The following SGCZ variants were observed in gnomAD, a reference collection of about 807,000 sequenced individuals.
The protein encoded by SGCZ is zeta-sarcoglycan.
In SGCZ, 40 loss-of-function variants were observed where a neutral mutation model predicts 41.3. That is an observed-to-expected ratio of 0.97 (90% CI 0.75 to 1.26). The LOEUF (loss-of-function observed/expected upper bound fraction) is 1.26, where lower values mean the gene tolerates loss of function less well. SGCZ is among the 50% of genes most tolerant of loss of function. The pLI, the probability that SGCZ is intolerant of heterozygous loss-of-function variation, is 0.00. For missense variants in SGCZ, 552 were observed against 369.8 expected (o/e 1.49, Z -4.04); for synonymous variants, 206 against 137.5 (o/e 1.50, Z -3.49).
At chr8:14,622,354 A>G (rs1219978968) in intron 1 of SGCZ, among the ~76,000 whole-genome samples, 1 of 152,122 alleles carries the variant, frequency 6.6e-6, no homozygotes, top group African/African-American at 2.4e-5. Context: ...GGTCAGGACT[A>G]TGTTCTTATT....
chr8:15,097,749 T>C (rs566172081), intron 1 of SGCZ, among the ~76,000 whole-genome samples: 5,423 of 88,660 alleles, frequency 0.061, 167 homozygotes, highest in Non-Finnish European at 0.093. Flanking sequence ...TATATATATA[T>C]ACACGTATAT....
intron 2 of SGCZ, among the ~76,000 whole-genome samples, chr8:14,459,502 C>T (rs557500951): frequency 1.3e-5 from 2 of 152,032 alleles, no homozygotes; most frequent in African/African-American, 2.4e-5. Flanking sequence ...AATCAAGTAT[C>T]GTTAATGCAG....
intron 4 of SGCZ, among the ~76,000 whole-genome samples, chr8:14,186,773 T>C (rs1804916145): frequency 6.6e-6 from 1 of 152,158 alleles, no homozygotes; most frequent in Non-Finnish European, 1.5e-5. Flanking sequence ...TATAAAATAA[T>C]GTTGTGATGA....
At chr8:15,180,174 G>A (rs1800125680) in intron 1 of SGCZ, among the ~76,000 whole-genome samples, 1 of 152,028 alleles carries the variant, frequency 6.6e-6, no homozygotes, top group Admixed American at 6.6e-5. Context: ...CTCTCATCCC[G>A]CAAAACTAAT....
chr8:14,544,215 G>A (rs1585065223), intron 2 of SGCZ, among the ~76,000 whole-genome samples: 1 of 152,074 alleles, frequency 6.6e-6, no homozygotes, highest in Non-Finnish European at 1.5e-5. Flanking sequence ...AATTTCTTAT[G>A]CCTGTCTTTA....
At chr8:14,698,824 C>G (rs1809045027) in intron 1 of SGCZ, among the ~76,000 whole-genome samples, 1 of 151,872 alleles carries the variant, frequency 6.6e-6, no homozygotes, top group Non-Finnish European at 1.5e-5. Context: ...GATTGAATTA[C>G]ACTTCTAGAA....
intron 1 of SGCZ, among the ~76,000 whole-genome samples, chr8:15,128,106 C>T (rs1437024015): frequency 6.6e-6 from 1 of 152,176 alleles, no homozygotes; most frequent in Non-Finnish European, 1.5e-5. Flanking sequence ...GTGCCAACAT[C>T]TGTCCTCTTT....
chr8:14,210,212 T>G (rs1805757796), intron 4 of SGCZ, among the ~76,000 whole-genome samples: 1 of 151,924 alleles, frequency 6.6e-6, no homozygotes, highest in African/African-American at 2.4e-5. Flanking sequence ...TGCACACTAC[T>G]ACCGTCTAGC....
chr8:15,211,908 T>G (rs1801247961), intron 1 of SGCZ, among the ~76,000 whole-genome samples: 1 of 152,134 alleles, frequency 6.6e-6, no homozygotes, highest in African/African-American at 2.4e-5. Context: ...ACTTTTGGAA[T>G]AAGGTTTCTA....
intron 1 of SGCZ, among the ~76,000 whole-genome samples, chr8:14,668,745 A>AATGCCAAC (rs1807995229): frequency 6.6e-6 from 1 of 152,268 alleles, no homozygotes; most frequent in Admixed American, 6.5e-5. Context: ...GGTGAGTGAA[A>AATGCCAAC]ATGCCAACAT....
At chr8:15,041,958 C>T (rs906258679) in intron 1 of SGCZ, among the ~76,000 whole-genome samples, 18 of 152,100 alleles carry the variant, frequency 1.2e-4, no homozygotes, top group East Asian at 1.9e-4. Context: ...TACAACACAA[C>T]GCTGTACATA....
At chr8:15,134,355 G>A (rs1450884658) in intron 1 of SGCZ, among the ~76,000 whole-genome samples, 4 of 148,078 alleles carry the variant, frequency 2.7e-5, no homozygotes, top group Non-Finnish European at 5.9e-5. Context: ...AAACCTTAAA[G>A]CCTAAACTAA....
At chr8:14,132,337 G>T (rs544762013) in intron 5 of SGCZ, among the ~76,000 whole-genome samples, 225 of 152,120 alleles carry the variant, frequency 1.5e-3, no homozygotes, top group South Asian at 3.1e-3. Context: ...GGTAATATGT[G>T]TACACAACAC....
intron 1 of SGCZ, among the ~76,000 whole-genome samples, chr8:14,945,906 A>C (rs1800426218): frequency 6.8e-6 from 1 of 148,138 alleles, no homozygotes; most frequent in African/African-American, 2.5e-5. Context: ...TCAGACTTGC[A>C]CGGAGCCATG....
intron 1 of SGCZ, among the ~76,000 whole-genome samples, chr8:14,656,947 AAATC>A (rs1807596663): frequency 6.6e-6 from 1 of 152,020 alleles, no homozygotes; most frequent in Non-Finnish European, 1.5e-5. Flanking sequence ...AAAATGAACT[AAATC>A]AATCGAAGAA....
chr8:14,293,012 G>A (rs933040643), intron 3 of SGCZ, among the ~76,000 whole-genome samples: 2 of 151,856 alleles, frequency 1.3e-5, no homozygotes, highest in African/African-American at 2.4e-5. Flanking sequence ...GAACAGAATG[G>A]TTTCATTCAC....
intron 3 of SGCZ, chr8:14,309,174 G>A: frequency 1.4e-6 from 2 of 1,475,842 alleles, no homozygotes; most frequent in Admixed American, 1.7e-5. Flanking sequence ...AACGAAAAAA[G>A]CAAAACTTGG....
At chr8:14,847,166 A>C (rs1803156019) in intron 1 of SGCZ, among the ~76,000 whole-genome samples, 1 of 151,328 alleles carries the variant, frequency 6.6e-6, no homozygotes, top group Admixed American at 6.6e-5. Context: ...GAAGAAGAAG[A>C]AGAAGAAGAA....
At chr8:14,796,187 C>T (rs1361514700) in intron 1 of SGCZ, among the ~76,000 whole-genome samples, 1 of 152,178 alleles carries the variant, frequency 6.6e-6, no homozygotes, top group East Asian at 1.9e-4. Flanking sequence ...TGGGTATACA[C>T]TCAGTAAAGG....
Sources: gnomAD v4.1 joint callset for allele counts (sites outside exome capture counted in the v4.1 genomes callset) on GRCh38, gnomAD v4.1.1 for gene constraint, MANE v1.5 for transcripts, NCBI Gene and HGNC (gene_info 2026-07-23, HGNC 2026-07-21) for gene names.